Variants in GPR176 observed in about 807,000 individuals in gnomAD.
GPR176 encodes G-protein coupled receptor 176.
A neutral mutation model predicts 35.4 loss-of-function variants in GPR176; 26 were observed. The ratio of observed to expected loss-of-function variants is 0.74; its 90% CI spans 0.54 to 1.02. The LOEUF (loss-of-function observed/expected upper bound fraction) is 1.02, where lower values mean the gene tolerates loss of function less well. GPR176 is among the 50% of genes least tolerant of loss of function. GPR176 has a pLI of 0.00. For missense variants in GPR176, 597 were observed against 665.3 expected (o/e 0.90, Z 1.13); for synonymous variants, 278 against 271.3 (o/e 1.02, Z -0.24).
chr15:39,858,401 G>A (rs2031381617), intron 1 of GPR176, among the ~76,000 whole-genome samples: 1 of 152,066 alleles, frequency 6.6e-6, no homozygotes, highest in Non-Finnish European at 1.5e-5. Flanking sequence ...AGAATGCACT[G>A]AATTCCTACA....
intron 1 of GPR176, among the ~76,000 whole-genome samples, chr15:39,894,149 C>T (rs1487102816): frequency 1.7e-5 from 2 of 119,242 alleles, no homozygotes; most frequent in Non-Finnish European, 3.6e-5. Flanking sequence ...CCCCCCACCT[C>T]CCTCCCGGAT....
rs1488467336 is a variant in GPR176, at chr15:39,801,866, C to T, written c.814G>A (p.Val272Met). The T allele has an allele frequency of 1.9e-6, 3 of 1,614,062 alleles. No individual in the cohort carries two copies. The highest frequency in any genetic ancestry group is 2.2e-5 in the South Asian group (2 of 91,068). Reference sequence around the variant, plus strand: ...ACGCTACACAAGATGAAGACCATCACCATGGAGAGCAGGGTGGCGTGCAGC... The same window carrying T: ...ACGCTACACAAGATGAAGACCATCATCATGGAGAGCAGGGTGGCGTGCAGC... ...AELHATLLSMVMVFILCSVPY... is the reference protein window; with the variant it reads ...AELHATLLSMMMVFILCSVPY... The change falls in exon 3 of 3, where the codon GTG becomes ATG. Residue 272 changes from valine (V) to methionine (M), a missense_variant. Physicochemically the swap from Val to Met is conservative, Grantham distance 21. Coordinates refer to ENST00000561100, the MANE Select transcript of GPR176 (RefSeq NM_007223.3).
intron 1 of GPR176, among the ~76,000 whole-genome samples, chr15:39,822,573 A>G (rs1381728217): frequency 1.3e-5 from 2 of 152,220 alleles, no homozygotes; most frequent in Non-Finnish European, 2.9e-5. Flanking sequence ...CCACAAAATA[A>G]TGTTTTCTCA....
At chr15:39,830,744 C>G (rs1254485676) in intron 1 of GPR176, among the ~76,000 whole-genome samples, 1 of 152,144 alleles carries the variant, frequency 6.6e-6, no homozygotes, top group African/African-American at 2.4e-5. Context: ...GCTCTATTTT[C>G]TTAATTCTAA....
At chr15:39,829,176 T>C in intron 1 of GPR176, 4 of 1,533,262 alleles carry the variant, frequency 2.6e-6, no homozygotes, top group Non-Finnish European at 3.5e-6. Flanking sequence ...CACACTGCCT[T>C]CTCATGAAGA....
Position 39,802,098 on chromosome 15 carries a change from T to C in GPR176, c.582A>G (p.Glu194=), listed in dbSNP as rs999162896. Reference sequence around the variant, plus strand: ...GGTGGCCCAAGGAGTTGCTCCAGACTTCCGTGCAGGTGGACGTGGCATAGA... The same window carrying C: ...GGTGGCCCAAGGAGTTGCTCCAGACCTCCGTGCAGGTGGACGTGGCATAGA... The part of the protein sequence containing the change: ...ADIYATSTCT[E]VWSNSLGHLV... The change falls in exon 3 of 3, where the codon GAA becomes GAG. Residue 194 remains glutamate, a synonymous_variant. Coordinates refer to ENST00000561100, the MANE Select transcript of GPR176 (RefSeq NM_007223.3). The C allele has an allele frequency of 6.2e-7, 1 of 1,614,048 alleles. No homozygotes were observed. The highest frequency in any genetic ancestry group is 8.5e-7 in the Non-Finnish European group (1 of 1,180,034).
Position 39,919,838 on chromosome 15 carries a change from C to T in GPR176, c.172+17G>A, listed in dbSNP as rs1201062777. The T allele has an allele frequency of 1.4e-6, 2 of 1,388,366 alleles. No individual in the cohort carries two copies. Among genetic ancestry groups the T allele is most frequent in the African/African-American group, 1.5e-5 (1 of 66,504 alleles). The allele number at this position is 1,388,366 out of a possible 1,614,324, so 86.0% of individuals were successfully genotyped here. A position where few individuals can be genotyped will look rare whatever the true frequency, so the allele number is the denominator to read the frequency against. On this transcript the variant is annotated intron_variant, in intron 1 of 2. Transcript: ENST00000561100. ...CTCGGGGAGGCCCGGTCCGGAGGCGCCCCGCGGGAGGCTTACCGAGCAGCG... is the reference window on the plus strand; with the variant it reads ...CTCGGGGAGGCCCGGTCCGGAGGCGTCCCGCGGGAGGCTTACCGAGCAGCG...
intron 1 of GPR176, among the ~76,000 whole-genome samples, chr15:39,851,677 G>A (rs2030875316): frequency 6.6e-6 from 1 of 152,202 alleles, no homozygotes; most frequent in South Asian, 2.1e-4. Flanking sequence ...ACAAATGCGA[G>A]TCAGTGGGCT....
rs115921415 is a variant in GPR176, at chr15:39,810,344, G to A, written c.173-3086C>T. Among the ~76,000 whole-genome samples, 919 of 152,320 alleles carry A rather than the reference G, an allele frequency of 6.0e-3. 11 individuals carry two copies. Among genetic ancestry groups the A allele is most frequent in the African/African-American group, 0.021 (875 of 41,570 alleles). Reference sequence around the variant, plus strand: ...GTGGATGTGGAAGACAAAGCCATGTGAATTAACCACAACTCTGACAGACAG... The same window carrying A: ...GTGGATGTGGAAGACAAAGCCATGTAAATTAACCACAACTCTGACAGACAG... On this transcript the variant is annotated intron_variant, in intron 1 of 2. Coordinates refer to ENST00000561100, the MANE Select transcript of GPR176 (RefSeq NM_007223.3).
At chr15:39,889,016 G>A (rs1227935162) in intron 1 of GPR176, among the ~76,000 whole-genome samples, 3 of 152,180 alleles carry the variant, frequency 2.0e-5, no homozygotes, top group African/African-American at 4.8e-5. Flanking sequence ...GATTACGTTA[G>A]AACCTTATCA....
chr15:39,804,305 A>C (rs933823506), intron 2 of GPR176, among the ~76,000 whole-genome samples: 9 of 152,236 alleles, frequency 5.9e-5, no homozygotes, highest in Non-Finnish European at 1.3e-4. Context: ...GCTATGAAGG[A>C]AGTGAGAGAA....
At chr15:39,873,358 G>A (rs1211360200) in intron 1 of GPR176, among the ~76,000 whole-genome samples, 2 of 152,164 alleles carry the variant, frequency 1.3e-5, no homozygotes, top group African/African-American at 2.4e-5. Flanking sequence ...TACAGCAGTG[G>A]CAAGTGATAA....
chr15:39,858,541 C>T (rs1216461772), intron 1 of GPR176, among the ~76,000 whole-genome samples: 2 of 152,164 alleles, frequency 1.3e-5, no homozygotes, highest in East Asian at 1.9e-4. Flanking sequence ...CATGATGAGA[C>T]TTTGTTTTTA....
chr15:39,899,800 T>C (rs2033222788), intron 1 of GPR176, among the ~76,000 whole-genome samples: 1 of 152,252 alleles, frequency 6.6e-6, no homozygotes, highest in Non-Finnish European at 1.5e-5. Context: ...GACAAGGTGT[T>C]ATCAAGATAA....
At chr15:39,810,227 A>C (rs374161223) in intron 1 of GPR176, among the ~76,000 whole-genome samples, 31 of 152,150 alleles carry the variant, frequency 2.0e-4, no homozygotes, top group African/African-American at 7.2e-4. Flanking sequence ...AGACCTGCAC[A>C]TCCTGCACAT....
At chr15:39,874,057 G>A (rs2032151596) in intron 1 of GPR176, among the ~76,000 whole-genome samples, 1 of 152,200 alleles carries the variant, frequency 6.6e-6, no homozygotes, top group African/African-American at 2.4e-5. Context: ...GTTAGGTATT[G>A]AGAAGATGTC....
At chr15:39,906,917 G>A (rs1448285201) in intron 1 of GPR176, among the ~76,000 whole-genome samples, 4 of 152,234 alleles carry the variant, frequency 2.6e-5, no homozygotes, top group Non-Finnish European at 4.4e-5. Context: ...ACACAGCAGT[G>A]CATGAAATAA....
chr15:39,845,752 G>A (rs1191967062), intron 1 of GPR176, among the ~76,000 whole-genome samples: 1 of 152,140 alleles, frequency 6.6e-6, no homozygotes, highest in Non-Finnish European at 1.5e-5. Flanking sequence ...GAAAGTGCAA[G>A]CCCTGAAGCA....
chr15:39,895,518 AC>A, intron 1 of GPR176, among the ~76,000 whole-genome samples: 1 of 152,240 alleles, frequency 6.6e-6, no homozygotes, highest in East Asian at 1.9e-4. Flanking sequence ...TTTAATAAAT[AC>A]CACACTGTCT....
Sources: gnomAD v4.1 joint callset for allele counts (sites outside exome capture counted in the v4.1 genomes callset) on GRCh38, gnomAD v4.1.1 for gene constraint, MANE v1.5 for transcripts, NCBI Gene and HGNC (gene_info 2026-07-23, HGNC 2026-07-21) for gene names.